PHKA1: variants seen among roughly 807,000 people sequenced by gnomAD.
PHKA1 encodes phosphorylase b kinase regulatory subunit alpha, skeletal muscle isoform.
PHKA1 carries 60 observed loss-of-function variants against 110.2 expected under a neutral mutation model. The ratio of observed to expected loss-of-function variants is 0.54; its 90% CI spans 0.44 to 0.68. The LOEUF is 0.68. Ranked by LOEUF, PHKA1 falls within the 30% of genes least tolerant of loss-of-function variation. PHKA1 has a pLI of 0.00. For missense variants in PHKA1, 801 were observed against 942.5 expected (o/e 0.85, Z 1.97); for synonymous variants, 316 against 333.6 (o/e 0.95, Z 0.58).
chrX:72,628,002 G>GT (rs1230794147), intron 16 of PHKA1, among the ~76,000 whole-genome samples: 9 of 106,972 alleles, frequency 8.4e-5, no homozygotes, highest in South Asian at 4.2e-4. Flanking sequence ...TATTTTTTTT[G>GT]TTTTTTTTAG....
Position 72,579,153 on chromosome X carries a change from A to C in PHKA1, c.*1849T>G, listed in dbSNP as rs975219995. The C allele has an allele frequency of 1.7e-4, 19 of 112,177 alleles. No individual in the cohort carries two copies. The highest frequency in any genetic ancestry group is 6.2e-4 in the African/African-American group (19 of 30,835). 9.2% of individuals were successfully genotyped at this position (112,177 alleles called of 1,213,427 possible). ...GTACACTTACAACCAGTGAAAAGAC[A>C]AATAGTTTCAGAACAGGTTGTAAAC... On this transcript the variant is annotated 3_prime_UTR_variant, in exon 32 of 32. Transcript: ENST00000373542.
At chrX:72,628,598 T>TA (rs1569435047) in intron 16 of PHKA1, among the ~76,000 whole-genome samples, 38 of 73,689 alleles carry the variant, frequency 5.2e-4, no homozygotes, top group African/African-American at 3.6e-3. Context: ...ATATATATAT[T>TA]TTTTTTTTTC....
At chrX:72,634,995 C>G (rs2053212304) in intron 16 of PHKA1, among the ~76,000 whole-genome samples, 160 bp downstream of exon 16, 1 of 112,553 alleles carries the variant, frequency 8.9e-6, no homozygotes, top group Non-Finnish European at 1.9e-5. Context: ...CATGTGTCCC[C>G]AGTGCTTAGA....
At chrX:72,615,604 T>C (rs947631912) in intron 21 of PHKA1, among the ~76,000 whole-genome samples, 7 of 108,249 alleles carry the variant, frequency 6.5e-5, no homozygotes, top group Non-Finnish European at 3.8e-5. Flanking sequence ...ATATAATAGA[T>C]ATGCTAAAAA....
intron 21 of PHKA1, among the ~76,000 whole-genome samples, chrX:72,615,687 TAAAAA>T (rs2052883011): frequency 2.7e-5 from 2 of 73,469 alleles, no homozygotes; most frequent in African/African-American, 5.6e-5. Context: ...AAGAGAGAAA[TAAAAA>T]AGGAAGGAAG....
intron 10 of PHKA1, 25 bp downstream of exon 10, chrX:72,656,095 G>A (rs2053494212): frequency 8.3e-7 from 1 of 1,207,912 alleles, no homozygotes; most frequent in South Asian, 1.8e-5. Context: ...ACATTCTGCT[G>A]AAAACTCTTT....
At chrX:72,710,472 G>C (rs2054355279) in intron 2 of PHKA1, among the ~76,000 whole-genome samples, 1 of 112,154 alleles carries the variant, frequency 8.9e-6, no homozygotes, top group African/African-American at 3.2e-5. Flanking sequence ...TGAGTAGTTA[G>C]ATAGAGACCA....
intron 28 of PHKA1, among the ~76,000 whole-genome samples, chrX:72,594,665 G>A (rs1338645085): frequency 8.9e-6 from 1 of 112,349 alleles, no homozygotes; most frequent in Non-Finnish European, 1.9e-5. Context: ...TTCTTGGCTC[G>A]TGGTGCATGG....
At chrX:72,582,333 C>T (rs2052349297) in intron 31 of PHKA1, 65 bp downstream of exon 31, 3 of 814,126 alleles carry the variant, frequency 3.7e-6, no homozygotes, top group East Asian at 3.1e-5. Context: ...TCCTCAAAGA[C>T]CTCTGAATGT....
intron 28 of PHKA1, among the ~76,000 whole-genome samples, chrX:72,598,207 T>C (rs2052614879): frequency 9.0e-6 from 1 of 111,515 alleles, no homozygotes; most frequent in African/African-American, 3.3e-5. Context: ...AAATGTGAAT[T>C]GACATTTCTC....
At chrX:72,611,441 T>C (rs781807884) in intron 21 of PHKA1, among the ~76,000 whole-genome samples, 1 of 111,976 alleles carries the variant, frequency 8.9e-6, no homozygotes, top group Non-Finnish European at 1.9e-5. Flanking sequence ...GGCTTCAATA[T>C]AGTTGAAATT....
rs1556272789 is a variant in PHKA1, at chrX:72,618,784, T to C, written c.2295A>G (p.Ala765=). ...AGGTCTCCTTCAACTGTAAAACCAG[T>C]GCTTTAAAGTCCACCTCCCCAGACT... ...RDQSGEVDFK[A]LVLQLKETSS... Residue 765 remains alanine, a synonymous_variant, in exon 21 of 32, where the codon GCA becomes GCG. Transcript: ENST00000373542. 1 of 1,189,614 alleles carries C rather than the reference T, an allele frequency of 8.4e-7. No homozygotes were observed. Among genetic ancestry groups the C allele is most frequent in the Non-Finnish European group, 1.1e-6 (1 of 875,401 alleles).
At chrX:72,663,213 C>T (rs781877659) in intron 8 of PHKA1, among the ~76,000 whole-genome samples, 1 of 109,528 alleles carries the variant, frequency 9.1e-6, no homozygotes, top group Non-Finnish European at 1.9e-5. Context: ...CAAACTTTAA[C>T]GCAGAAGAAT....
chrX:72,681,182 A>C (rs1603270108), intron 5 of PHKA1, among the ~76,000 whole-genome samples: 1 of 85,784 alleles, frequency 1.2e-5, no homozygotes, highest in Non-Finnish European at 2.3e-5. Flanking sequence ...CCGCCGCCCC[A>C]TCTGGGATGT....
chrX:72,584,748 C>T (rs954632851), intron 29 of PHKA1, among the ~76,000 whole-genome samples: 2 of 108,577 alleles, frequency 1.8e-5, no homozygotes, highest in African/African-American at 3.4e-5. Context: ...TTTTTTAACA[C>T]TTGTTTTTTT....
At chrX:72,658,237 C>T (rs1321932185) in intron 8 of PHKA1, among the ~76,000 whole-genome samples, 1 of 110,849 alleles carries the variant, frequency 9.0e-6, no homozygotes, top group Non-Finnish European at 1.9e-5. Flanking sequence ...AGGCGGGAGG[C>T]ACCTGAGGTC....
chrX:72,679,626 C>T (rs931177907), intron 5 of PHKA1, among the ~76,000 whole-genome samples: 1 of 110,713 alleles, frequency 9.0e-6, no homozygotes, highest in Admixed American at 9.6e-5. Flanking sequence ...CAACTTTTAG[C>T]GATAAAACTG....
chrX:72,674,552 G>A (rs1370964771), intron 6 of PHKA1, among the ~76,000 whole-genome samples: 1 of 111,738 alleles, frequency 8.9e-6, no homozygotes, highest in Non-Finnish European at 1.9e-5. Flanking sequence ...TTTCTCTGAT[G>A]GCCAGTGATG....
rs188392087 is a variant in PHKA1 at position 72,702,876 on chromosome X, T to C, written c.285+2322A>G. Among the ~76,000 whole-genome samples, 7 of 111,830 alleles carry C rather than the reference T, an allele frequency of 6.3e-5. No individual in the cohort carries two copies. The East Asian group carries it at 2.0e-3, about 31-fold the overall frequency. On this transcript the variant is annotated intron_variant, in intron 3 of 31. Transcript: ENST00000373542. ...CCCTCTGATCACAGAGATAGATGCA[T>C]ATTCTGATTGCCTCCTTTGGAAAGA...
Sources: allele counts gnomAD v4.1 joint callset (sites outside exome capture counted in the v4.1 genomes callset), GRCh38; gene constraint gnomAD v4.1.1; transcripts MANE v1.5; gene names NCBI Gene and HGNC (gene_info 2026-07-23, HGNC 2026-07-21).